PTPRT: variants seen among roughly 807,000 people sequenced by gnomAD.
PTPRT encodes the protein receptor-type tyrosine-protein phosphatase T.
In PTPRT, 56 loss-of-function variants were observed where a neutral mutation model predicts 176.8. That is an observed-to-expected ratio of 0.32 (90% CI 0.26 to 0.40). PTPRT has a LOEUF of 0.40. PTPRT is among the 10% of genes least tolerant of loss of function. The pLI is 1.00. For synonymous variants in PTPRT, 783 were observed against 739.0 expected, an observed-to-expected ratio of 1.06 and a Z score of -0.96; for missense variants, 1,540 against 1,908.2, an observed-to-expected ratio of 0.81 and a Z score of 3.60.
At chr20:43,070,319 G>C (rs946738641) in intron 1 of PTPRT, among the ~76,000 whole-genome samples, 18 of 152,230 alleles carry the variant, frequency 1.2e-4, no homozygotes, top group African/African-American at 3.9e-4. Context: ...AAAAAGTCAG[G>C]AAACAACAGG....
At position 42,110,444 on chromosome 20, in the gene PTPRT, G is replaced by T. The variant is rs771033367; in HGVS notation, c.3143C>A (p.Thr1048Asn). The change falls in exon 23 of 31, where the codon ACC becomes AAC. Residue 1048 changes from threonine (T) to asparagine (N), a missense_variant. This residue lies in a region of PTPRT where 248 missense variants were observed against 356.7 expected (regional missense o/e 0.70). Coordinates refer to ENST00000373187, the MANE Select transcript of PTPRT (RefSeq NM_007050.6). The part of the protein sequence containing the change: ...EIRELRLFHF[T>N]SWPDHGVPCY... ...GGGAACGCCGTGGTCAGGCCAGCTG[G>T]TGAAGTGGAAGAGGCGGAGCTCCCG... 4 of 1,611,744 alleles carry T rather than the reference G, an allele frequency of 2.5e-6. No individual in the cohort carries two copies. Among genetic ancestry groups the T allele is most frequent in the Non-Finnish European group, 3.4e-6 (4 of 1,178,316 alleles).
chr20:42,284,595 GAACT>G (rs945698390), intron 12 of PTPRT, among the ~76,000 whole-genome samples: 49 of 152,082 alleles, frequency 3.2e-4, no homozygotes, highest in African/African-American at 1.1e-3. Context: ...ATCAGAATCA[GAACT>G]AATTGCTAAT....
chr20:42,648,815 T>C (rs1600545988), intron 7 of PTPRT, among the ~76,000 whole-genome samples: 2 of 124,760 alleles, frequency 1.6e-5, no homozygotes, highest in South Asian at 2.6e-4. Context: ...TTTTTTGGTG[T>C]CGTTGTTTTT....
chr20:42,168,046 A>G (rs1399825264), intron 16 of PTPRT, among the ~76,000 whole-genome samples: 4 of 152,198 alleles, frequency 2.6e-5, no homozygotes, highest in Non-Finnish European at 5.9e-5. Context: ...TAAGCTAGAG[A>G]AAAGAAAATG....
At chr20:42,718,660 A>G (rs921208529) in intron 6 of PTPRT, among the ~76,000 whole-genome samples, 1 of 152,228 alleles carries the variant, frequency 6.6e-6, no homozygotes, top group Non-Finnish European at 1.5e-5. Flanking sequence ...TATAAAATTC[A>G]AAAACAGGGA....
chr20:43,066,657 C>T (rs2011114629), intron 1 of PTPRT, among the ~76,000 whole-genome samples: 1 of 152,198 alleles, frequency 6.6e-6, no homozygotes, highest in South Asian at 2.1e-4. Flanking sequence ...TAGGTCACCT[C>T]TACCCTGTTC....
chr20:42,233,154 C>G (rs1012415740), intron 15 of PTPRT, among the ~76,000 whole-genome samples: 55 of 152,200 alleles, frequency 3.6e-4, no homozygotes, highest in African/African-American at 1.3e-3. Flanking sequence ...TTTCTCCAGG[C>G]CTGCTTTCAT....
intron 2 of PTPRT, among the ~76,000 whole-genome samples, chr20:42,856,560 A>C (rs1432405032): frequency 6.6e-6 from 1 of 152,142 alleles, no homozygotes; most frequent in Non-Finnish European, 1.5e-5. Context: ...ACAGTTGTTC[A>C]AGACCGGGAG....
chr20:42,977,445 C>T (rs1983015307), intron 1 of PTPRT, among the ~76,000 whole-genome samples: 1 of 152,066 alleles, frequency 6.6e-6, no homozygotes, highest in Non-Finnish European at 1.5e-5. Flanking sequence ...ACTTATTACA[C>T]TTTCCAATTT....
At chr20:42,133,604 G>T (rs916970919) in intron 18 of PTPRT, among the ~76,000 whole-genome samples, 6 of 152,182 alleles carry the variant, frequency 3.9e-5, no homozygotes. Context: ...ATACAATAGT[G>T]CAATAGTAGA....
At chr20:42,751,965 T>C (rs984357968) in intron 6 of PTPRT, among the ~76,000 whole-genome samples, 7 of 152,164 alleles carry the variant, frequency 4.6e-5, no homozygotes, top group Admixed American at 4.6e-4. Flanking sequence ...ATCCTATTAC[T>C]TCTGTCCCTC....
intron 1 of PTPRT, among the ~76,000 whole-genome samples, chr20:43,027,267 G>A (rs6093774): frequency 0.017 from 2,557 of 152,212 alleles, 66 homozygotes; most frequent in African/African-American, 0.058. Flanking sequence ...CATGAGGTCA[G>A]GAGTTTGAGA....
At chr20:42,039,861 A>G in the PTPRT span, among the ~76,000 whole-genome samples, 1 of 151,816 alleles carries the variant, frequency 6.6e-6, no homozygotes, top group Non-Finnish European at 1.5e-5. Flanking sequence ...GTTTGATTTC[A>G]TATCTTGGCT....
intron 11 of PTPRT, among the ~76,000 whole-genome samples, chr20:42,335,804 G>A (rs539513048): frequency 3.3e-5 from 5 of 152,254 alleles, no homozygotes; most frequent in East Asian, 3.9e-4. Flanking sequence ...CTGAAGAAAT[G>A]AGAATAATTG....
In PTPRT at chr20:42,084,836, C is replaced by A. The variant is rs1490132204; in HGVS notation, c.3982G>T (p.Gly1328Cys). 3.5e-6 allele frequency: 5 copies of A among 1,434,996 alleles called. No individual in the cohort carries two copies. Among genetic ancestry groups the A allele is most frequent in the Non-Finnish European group, 4.6e-6 (5 of 1,077,438 alleles). 88.9% of individuals were successfully genotyped at this position (1,434,996 alleles called of 1,614,324 possible). A position where few individuals can be genotyped will look rare whatever the true frequency, so the allele number is the denominator to read the frequency against. Residue 1328 changes from glycine (G) to cysteine (C), a missense_variant, in exon 29 of 31, where the codon GGT becomes TGT. Gly to Cys is a radical substitution (Grantham distance 159). This residue lies in a region of PTPRT where 342 missense variants were observed against 394.0 expected (regional missense o/e 0.87). Transcript: ENST00000373187. ...RICNMARPQD[G>C]YRIVQHLQYI... ...TGGAGGTGCTGGACTATACGATAACCATCCTGTGGCTGAGAACAGAGAGGC... is the reference window on the plus strand; with the variant it reads ...TGGAGGTGCTGGACTATACGATAACAATCCTGTGGCTGAGAACAGAGAGGC...
chr20:42,061,826 G>A, the PTPRT span, among the ~76,000 whole-genome samples: 26 of 152,350 alleles, frequency 1.7e-4, no homozygotes, highest in Non-Finnish European at 1.5e-5. Flanking sequence ...TCCCCACCTG[G>A]AATTGCACGC....
At chr20:42,407,670 T>A (rs2145724907) in intron 9 of PTPRT, among the ~76,000 whole-genome samples, 1 of 152,248 alleles carries the variant, frequency 6.6e-6, no homozygotes, top group African/African-American at 2.4e-5. Context: ...GCCAATGCAC[T>A]TAGTAAAGAA....
At chr20:42,198,406 G>A (rs1489990433) in intron 16 of PTPRT, among the ~76,000 whole-genome samples, 1 of 152,148 alleles carries the variant, frequency 6.6e-6, no homozygotes, top group Non-Finnish European at 1.5e-5. Flanking sequence ...TCTTCCATTT[G>A]TAGCTTACAT....
chr20:43,069,898 T>C (rs2011158001), intron 1 of PTPRT, among the ~76,000 whole-genome samples: 2 of 152,154 alleles, frequency 1.3e-5, no homozygotes, highest in South Asian at 4.1e-4. Flanking sequence ...GCATCCTATT[T>C]TGCCAGGAAA....
Sources: allele counts gnomAD v4.1 joint callset (sites outside exome capture counted in the v4.1 genomes callset), GRCh38; gene constraint gnomAD v4.1.1; regional missense constraint gnomAD v4.1.1; transcripts MANE v1.5; gene names NCBI Gene and HGNC (gene_info 2026-07-23, HGNC 2026-07-21).